The following SORCS3 variants were observed in gnomAD, a reference collection of about 807,000 sequenced individuals.
SORCS3 encodes the protein VPS10 domain-containing receptor SorCS3.
In SORCS3, 57 loss-of-function variants were observed where a neutral mutation model predicts 146.3. The observed-to-expected ratio is 0.39, with a 90% CI of 0.31 to 0.49. The LOEUF (loss-of-function observed/expected upper bound fraction) is 0.49, where lower values mean the gene tolerates loss of function less well. Ranked by LOEUF, SORCS3 falls within the 20% of genes least tolerant of loss-of-function variation. The pLI is 0.92. For synonymous variants in SORCS3, 653 were observed against 618.5 expected, an observed-to-expected ratio of 1.06 and a Z score of -0.83; for missense variants, 1,341 against 1,575.5, an observed-to-expected ratio of 0.85 and a Z score of 2.52.
intron 1 of SORCS3, among the ~76,000 whole-genome samples, chr10:104,713,428 G>GT (rs1457099543): frequency 1.1e-4 from 16 of 152,224 alleles, no homozygotes; most frequent in African/African-American, 2.9e-4. Context: ...CTAGCTGTAC[G>GT]TTTTTTGGGT....
chr10:104,975,802 C>A (rs1270551361), intron 3 of SORCS3, among the ~76,000 whole-genome samples: 1 of 152,196 alleles, frequency 6.6e-6, no homozygotes, highest in Non-Finnish European at 1.5e-5. Flanking sequence ...GAAAAACCAG[C>A]AATGGGGAAA....
intron 1 of SORCS3, among the ~76,000 whole-genome samples, chr10:104,842,338 C>T (rs2018151268): frequency 6.6e-6 from 1 of 152,182 alleles, no homozygotes; most frequent in South Asian, 2.1e-4. Flanking sequence ...CTCTTTGAAC[C>T]CCTTTTACAG....
At chr10:105,002,123 GTGATGGATGA>G (rs1399329428) in intron 4 of SORCS3, among the ~76,000 whole-genome samples, 2 of 152,110 alleles carry the variant, frequency 1.3e-5, no homozygotes, top group Admixed American at 6.5e-5. Context: ...TAGGCCCCAG[GTGATGGATGA>G]TTAAGGACCT....
intron 2 of SORCS3, among the ~76,000 whole-genome samples, chr10:104,876,314 T>C (rs929314576): frequency 6.6e-6 from 1 of 152,216 alleles, no homozygotes; most frequent in African/African-American, 2.4e-5. Flanking sequence ...GGATGGTACT[T>C]ATTTTAATAC....
At chr10:104,943,411 C>A (rs1249503406) in intron 3 of SORCS3, among the ~76,000 whole-genome samples, 1 of 152,140 alleles carries the variant, frequency 6.6e-6, no homozygotes, top group Non-Finnish European at 1.5e-5. Flanking sequence ...CAGGCATAAG[C>A]CACTGTGCCC....
At chr10:105,165,694 G>A (rs2056306398) in intron 12 of SORCS3, among the ~76,000 whole-genome samples, 1 of 152,124 alleles carries the variant, frequency 6.6e-6, no homozygotes, top group Non-Finnish European at 1.5e-5. Flanking sequence ...GAGGGTGGAA[G>A]CTGGAATACA....
chr10:105,068,928 A>G (rs576852818), intron 5 of SORCS3, among the ~76,000 whole-genome samples: 5 of 152,326 alleles, frequency 3.3e-5, no homozygotes, highest in African/African-American at 9.6e-5. Flanking sequence ...TGTTTTTGCT[A>G]TGCAGGATTT....
chr10:105,073,695 G>A (rs1454618226), intron 5 of SORCS3, among the ~76,000 whole-genome samples: 2 of 152,114 alleles, frequency 1.3e-5, no homozygotes, highest in Admixed American at 1.3e-4. Flanking sequence ...TGGAGCCACT[G>A]GATGTAGAGG....
At chr10:104,772,035 A>G (rs992932787) in intron 1 of SORCS3, among the ~76,000 whole-genome samples, 3 of 152,140 alleles carry the variant, frequency 2.0e-5, no homozygotes, top group African/African-American at 7.2e-5. Context: ...GCCAATGCTT[A>G]GGCTAAGACT....
intron 2 of SORCS3, among the ~76,000 whole-genome samples, chr10:104,886,061 C>T (rs775491509): frequency 3.9e-5 from 6 of 152,134 alleles, no homozygotes; most frequent in Middle Eastern, 3.2e-3. Flanking sequence ...TAGTCTGAGA[C>T]ACCCTGCTGC....
chr10:104,858,676 C>T (rs182229757), intron 2 of SORCS3, among the ~76,000 whole-genome samples: 1,682 of 149,944 alleles, frequency 0.011, 35 homozygotes, highest in African/African-American at 0.039. Context: ...GGCTGGAGTG[C>T]AATGGTGTGA....
chr10:104,807,615 A>G (rs116477904), intron 1 of SORCS3, among the ~76,000 whole-genome samples: 307 of 152,268 alleles, frequency 2.0e-3, no homozygotes, highest in African/African-American at 7.1e-3. Flanking sequence ...GTGGAGCAGC[A>G]TCCATTCTCC....
intron 16 of SORCS3, among the ~76,000 whole-genome samples, chr10:105,210,477 G>C (rs1266446501): frequency 6.6e-6 from 1 of 152,136 alleles, no homozygotes; most frequent in Non-Finnish European, 1.5e-5. Context: ...AAGAAGTAGG[G>C]AAGCACTGTT....
chr10:104,793,849 C>T (rs1371996171), intron 1 of SORCS3, among the ~76,000 whole-genome samples: 2 of 152,040 alleles, frequency 1.3e-5, no homozygotes, highest in African/African-American at 2.4e-5. Flanking sequence ...ATCTGGATGG[C>T]AGGTGGAAAT....
rs1299048891 is a variant in SORCS3 at position 104,793,126 on chromosome 10, A to G, written c.628-49666A>G. 3.3e-5 allele frequency among the ~76,000 whole-genome samples: 5 copies of G among 152,308 alleles called. No homozygotes were observed. In the Middle Eastern group the frequency reaches 0.01, roughly 311 times the overall value. ...AAAATTGAGTCATTTTGAATGTCAG[A>G]TAACACAACCCGATCTCAGAGGTGA... On this transcript the variant is annotated intron_variant, in intron 1 of 26. Transcript: ENST00000369701.
intron 17 of SORCS3, among the ~76,000 whole-genome samples, chr10:105,213,750 G>T: frequency 6.6e-6 from 1 of 152,048 alleles, no homozygotes; most frequent in East Asian, 1.9e-4. Flanking sequence ...TTCCCATGCC[G>T]ACCTCCTCTA....
At chr10:104,852,331 A>C (rs2018282022) in intron 2 of SORCS3, among the ~76,000 whole-genome samples, 1 of 152,108 alleles carries the variant, frequency 6.6e-6, no homozygotes, top group Non-Finnish European at 1.5e-5. Flanking sequence ...CATGTTGGTA[A>C]GCATGCTTTC....
rs910479980 is a variant in SORCS3, at chr10:104,641,461, G to T, written c.134G>T (p.Arg45Leu). 3.4e-6 allele frequency: 5 copies of T among 1,466,492 alleles called. No individual in the cohort carries two copies. Among genetic ancestry groups the T allele is most frequent in the Non-Finnish European group, 4.5e-6 (5 of 1,116,430 alleles). 90.8% of individuals were successfully genotyped at this position (1,466,492 alleles called of 1,614,324 possible). Residue 45 changes from arginine (R) to leucine (L), a missense_variant, in exon 1 of 27, where the codon CGC becomes CTC. Coordinates refer to ENST00000369701, the MANE Select transcript of SORCS3 (RefSeq NM_014978.3). The surrounding 1 kb of genome is among the most constrained non-coding windows in gnomAD (Gnocchi z 6.4). ...ITWDATGGPGRPAAPASRPPA... is the reference protein window; with the variant it reads ...ITWDATGGPGLPAAPASRPPA... ...TGGGACGCGACAGGCGGTCCCGGAC[G>T]CCCGGCGGCCCCGGCTTCGCGGCCA... is the stretch of plus-strand genomic sequence containing the variant.
At chr10:105,190,078 G>A (rs1237913172) in intron 14 of SORCS3, among the ~76,000 whole-genome samples, 3 of 152,208 alleles carry the variant, frequency 2.0e-5, no homozygotes, top group Admixed American at 2.0e-4. Context: ...CTGGAGGTGA[G>A]AGCATCCCAT....
Sources: gnomAD v4.1 joint callset for allele counts (sites outside exome capture counted in the v4.1 genomes callset) on GRCh38, gnomAD v4.1.1 for gene constraint, Gnocchi (gnomAD v3.1) non-coding constraint, MANE v1.5 for transcripts, NCBI Gene and HGNC (gene_info 2026-07-23, HGNC 2026-07-21) for gene names.